Variants in GTF2A2 observed in about 807,000 individuals in gnomAD.
GTF2A2 encodes the protein general transcription factor IIA subunit 2.
GTF2A2 carries 9 observed loss-of-function variants against 14.3 expected under a neutral mutation model. The ratio of observed to expected loss-of-function variants is 0.63; its 90% CI spans 0.38 to 1.10. The LOEUF is 1.10. GTF2A2 is among the 50% of genes least tolerant of loss of function. GTF2A2 has a pLI of 0.01. For synonymous variants in GTF2A2, 56 were observed against 46.0 expected, an observed-to-expected ratio of 1.22 and a Z score of -0.88; for missense variants, 90 against 124.6, an observed-to-expected ratio of 0.72 and a Z score of 1.32.
chr15:59,647,291 G>T (rs1319240754), intron 3 of GTF2A2, among the ~76,000 whole-genome samples: 6 of 152,008 alleles, frequency 3.9e-5, no homozygotes, highest in Non-Finnish European at 8.8e-5. Flanking sequence ...TAGGGACAGG[G>T]TTTCACTATA....
chr15:59,654,288 C>T (rs1191684696), intron 1 of GTF2A2, among the ~76,000 whole-genome samples: 1 of 152,112 alleles, frequency 6.6e-6, no homozygotes, highest in Non-Finnish European at 1.5e-5. Context: ...CATACTGGTC[C>T]CCTGCTGTTC....
At chr15:59,656,013 C>T (rs1193656000) in intron 1 of GTF2A2, among the ~76,000 whole-genome samples, 1 of 152,204 alleles carries the variant, frequency 6.6e-6, no homozygotes, top group Non-Finnish European at 1.5e-5. Context: ...ACACTCACCC[C>T]TACACTCTAA....
rs1438355742 is a variant in GTF2A2 at position 59,638,155 on chromosome 15, C to A, written c.*977G>T. The A allele has an allele frequency of 6.6e-6, 1 of 152,184 alleles. No homozygotes were observed. Among genetic ancestry groups the A allele is most frequent in the African/African-American group, 2.4e-5 (1 of 41,418 alleles). 9.4% of individuals were successfully genotyped at this position (152,184 alleles called of 1,614,324 possible). A position where few individuals can be genotyped will look rare whatever the true frequency, so the allele number is the denominator to read the frequency against. On this transcript the variant is annotated 3_prime_UTR_variant, in exon 5 of 5. Transcript: ENST00000396060. ...CTGGACTCAAGTAATCCTCCAGTCT[C>A]AGCCTCCTAAAGTACTGGGATTACT...
intron 4 of GTF2A2, among the ~76,000 whole-genome samples, chr15:59,639,479 T>TTG (rs1555393794): frequency 6.6e-6 from 1 of 151,542 alleles, no homozygotes; most frequent in East Asian, 1.9e-4. Context: ...TTTTTTTTTT[T>TTG]TGAGATGGAG....
At chr15:59,639,212 T>G (rs1027901554) in intron 4 of GTF2A2, 55 bp from the exon 5 acceptor site, 3 of 1,055,230 alleles carry the variant, frequency 2.8e-6, no homozygotes, top group Non-Finnish European at 4.4e-6. Flanking sequence ...AATTTAATTT[T>G]ACAATTAACT....
intron 1 of GTF2A2, among the ~76,000 whole-genome samples, chr15:59,655,101 A>G (rs1472101208): frequency 1.3e-5 from 2 of 152,180 alleles, no homozygotes; most frequent in African/African-American, 4.8e-5. Flanking sequence ...TCACTCAAGG[A>G]TATTGTTCTG....
intron 3 of GTF2A2, among the ~76,000 whole-genome samples, chr15:59,643,059 C>T (rs1411388135): frequency 1.3e-5 from 2 of 149,486 alleles, no homozygotes; most frequent in African/African-American, 4.9e-5. Context: ...AACCACCGCG[C>T]CTGGCCTATA....
chr15:59,653,577 A>C (rs1172214047), intron 1 of GTF2A2, among the ~76,000 whole-genome samples: 1 of 150,740 alleles, frequency 6.6e-6, no homozygotes, highest in African/African-American at 2.4e-5. Flanking sequence ...GAACTGCCCT[A>C]AGTTTTCTTG....
intron 3 of GTF2A2, among the ~76,000 whole-genome samples, chr15:59,643,595 CTTTTT>C (rs34047348): frequency 9.1e-6 from 1 of 109,794 alleles, no homozygotes. Flanking sequence ...GAAATTTTTA[CTTTTT>C]TTTTTTTTTT....
At chr15:59,639,680 G>A (rs1000920645) in intron 4 of GTF2A2, among the ~76,000 whole-genome samples, 2 of 151,768 alleles carry the variant, frequency 1.3e-5, no homozygotes, top group Non-Finnish European at 2.9e-5. Context: ...GGATGGTCTC[G>A]ATCTCCTGAC....
intron 1 of GTF2A2, among the ~76,000 whole-genome samples, chr15:59,654,183 CCA>C (rs1643923332): frequency 6.6e-6 from 1 of 152,182 alleles, no homozygotes; most frequent in African/African-American, 2.4e-5. Context: ...TCAGTGAAAA[CCA>C]CAGAGTCCAT....
rs1891816931 is a variant in GTF2A2 at position 59,652,297 on chromosome 15, G to C, written c.-20C>G. 2 of 1,468,452 alleles carry C rather than the reference G, an allele frequency of 1.4e-6. No homozygotes were observed. Among genetic ancestry groups the C allele is most frequent in the East Asian group, 4.6e-5 (2 of 43,866 alleles). 91.0% of individuals were successfully genotyped at this position (1,468,452 alleles called of 1,614,324 possible). A position where few individuals can be genotyped will look rare whatever the true frequency, so the allele number is the denominator to read the frequency against. ...TGCCATGGCTTAGGAGGAAGAATTT[G>C]TTTTTCTTATTCAAGCTTGCATTGA... On this transcript the variant is annotated 5_prime_UTR_variant, in exon 2 of 5. Coordinates refer to ENST00000396060, the MANE Select transcript of GTF2A2 (RefSeq NM_004492.3).
intron 4 of GTF2A2, among the ~76,000 whole-genome samples, chr15:59,640,447 C>T (rs983224931): frequency 6.6e-6 from 1 of 152,214 alleles, no homozygotes; most frequent in South Asian, 2.1e-4. Flanking sequence ...TGACACTCTA[C>T]TAGTCTACAT....
chr15:59,652,273 G>A lies in GTF2A2; in HGVS notation c.5C>T (p.Ala2Val). 4 of 1,586,806 alleles carry A rather than the reference G, an allele frequency of 2.5e-6. No individual in the cohort carries two copies. Among genetic ancestry groups the A allele is most frequent in the Non-Finnish European group, 3.5e-6 (4 of 1,157,598 alleles). Residue 2 changes from alanine (A) to valine (V), a missense_variant, in exon 2 of 5, where the codon GCA becomes GTA. Physicochemically the swap from Ala to Val is moderately conservative, Grantham distance 64. Transcript: ENST00000396060. The part of the protein sequence containing the change: M[A>V]YQLYRNTTLG... ...AGTAGTATTTCTGTATAACTGATAT[G>A]CCATGGCTTAGGAGGAAGAATTTGT...
chr15:59,639,230 G>C (rs2306354), intron 4 of GTF2A2, 73 bp from the exon 5 acceptor site: 530,267 of 924,658 alleles, frequency 0.57, 158,115 homozygotes, highest in Middle Eastern at 0.63. Context: ...ACTATTTTAA[G>C]ACTATCAAAA....
chr15:59,639,527 C>T (rs569217814), intron 4 of GTF2A2, among the ~76,000 whole-genome samples: 74 of 145,028 alleles, frequency 5.1e-4, no homozygotes, highest in Non-Finnish European at 9.7e-4. Flanking sequence ...GTGGCGTGAT[C>T]TTGGCTCACT....
At chr15:59,639,901 C>A (rs1006107935) in intron 4 of GTF2A2, among the ~76,000 whole-genome samples, 1 of 152,074 alleles carries the variant, frequency 6.6e-6, no homozygotes, top group Non-Finnish European at 1.5e-5. Context: ...CAGGCGGGTA[C>A]CACCATGCCT....
At chr15:59,645,191 A>G (rs557554986) in intron 3 of GTF2A2, among the ~76,000 whole-genome samples, 4 of 152,332 alleles carry the variant, frequency 2.6e-5, no homozygotes, top group Admixed American at 2.0e-4. Context: ...GTTGGGGAGT[A>G]AAGTTAAATT....
intron 4 of GTF2A2, among the ~76,000 whole-genome samples, chr15:59,641,880 A>G (rs1401322414): frequency 1.3e-5 from 2 of 152,222 alleles, no homozygotes; most frequent in African/African-American, 2.4e-5. Flanking sequence ...AATAGGGAAC[A>G]AATGCTTATT....
Sources: allele counts gnomAD v4.1 joint callset (sites outside exome capture counted in the v4.1 genomes callset), GRCh38; gene constraint gnomAD v4.1.1; transcripts MANE v1.5; gene names NCBI Gene and HGNC (gene_info 2026-07-23, HGNC 2026-07-21).